PDE4D: variants seen among roughly 807,000 people sequenced by gnomAD.
The protein encoded by PDE4D is phosphodiesterase 4D, also known as 3',5'-cyclic-AMP phosphodiesterase 4D.
Under a neutral mutation model 87.4 loss-of-function variants are expected in PDE4D, and 24 were observed. That is an observed-to-expected ratio of 0.27 (90% confidence interval 0.20 to 0.39). The LOEUF (loss-of-function observed/expected upper bound fraction) is 0.39, where lower values mean the gene tolerates loss of function less well. Ranked by LOEUF, PDE4D falls within the 10% of genes least tolerant of loss-of-function variation. PDE4D has a pLI of 1.00. For missense variants in PDE4D, 714 were observed against 1,041.0 expected, an observed-to-expected ratio of 0.69 and a Z score of 4.32; for synonymous variants, 384 against 383.2, an observed-to-expected ratio of 1.00 and a Z score of -0.02.
At chr5:59,039,364 G>A in intron 5 of PDE4D, 5 of 1,029,354 alleles carry the variant, frequency 4.9e-6, no homozygotes, top group Non-Finnish European at 5.8e-6. Context: ...GCGCTTGGGT[G>A]CCCGCCCCGC....
intron 1 of PDE4D, among the ~76,000 whole-genome samples, chr5:59,360,549 G>C (rs1019569669): frequency 3.3e-5 from 5 of 152,064 alleles, no homozygotes; most frequent in Non-Finnish European, 7.3e-5. Flanking sequence ...CGGGGCTTGT[G>C]TACTCCTTAA....
At chr5:59,310,390 A>G (rs955491649) in intron 1 of PDE4D, among the ~76,000 whole-genome samples, 1 of 152,078 alleles carries the variant, frequency 6.6e-6, no homozygotes, top group Admixed American at 6.6e-5. Context: ...GTCTCCACCA[A>G]TTCTTTATTT....
intron 1 of PDE4D, among the ~76,000 whole-genome samples, chr5:59,668,682 T>C (rs935567127): frequency 1.4e-5 from 2 of 147,172 alleles, no homozygotes; most frequent in African/African-American, 5.1e-5. Flanking sequence ...CACTCCAGCC[T>C]GGACAGAGTC....
At chr5:59,843,126 G>A (rs143423127) in intron 1 of PDE4D, among the ~76,000 whole-genome samples, 299 of 152,064 alleles carry the variant, frequency 2.0e-3, no homozygotes, top group African/African-American at 6.9e-3. Flanking sequence ...TTAAGGAAAT[G>A]TGAGTCATGT....
At chr5:59,747,997 A>C (rs1478512399) in intron 1 of PDE4D, among the ~76,000 whole-genome samples, 1 of 152,112 alleles carries the variant, frequency 6.6e-6, no homozygotes, top group Non-Finnish European at 1.5e-5. Flanking sequence ...TATCCCCTCC[A>C]ACTGACTTTA....
intron 2 of PDE4D, among the ~76,000 whole-genome samples, chr5:59,200,057 G>A (rs1412682225): frequency 3.2e-4 from 48 of 148,248 alleles, no homozygotes; most frequent in African/African-American, 1.2e-3. Flanking sequence ...GTACACACAT[G>A]CATGTACACA....
chr5:59,137,792 C>T (rs1416367889), intron 5 of PDE4D, among the ~76,000 whole-genome samples: 1 of 152,210 alleles, frequency 6.6e-6, no homozygotes, highest in East Asian at 1.9e-4. Flanking sequence ...TCCCAAAGTG[C>T]TGGGATTACA....
intron 3 of PDE4D, among the ~76,000 whole-genome samples, chr5:59,957,109 A>G (rs919684327): frequency 1.3e-5 from 2 of 152,250 alleles, no homozygotes; most frequent in South Asian, 4.1e-4. Context: ...TTAAGAAACC[A>G]TCTGAATGAC....
At position 59,611,537 on chromosome 5, in the gene PDE4D, C is replaced by T. The variant is rs73758827; in HGVS notation, c.455+281631G>A. Among the ~76,000 whole-genome samples the T allele has an allele frequency of 9.8e-3, 1,494 of 152,202 alleles. 24 individuals carry two copies. The highest frequency in any genetic ancestry group is 0.032 in the African/African-American group (1,340 of 41,536). ...ATATTCATTTATCTGTCTGAATGCCCGTCTCCACACTAGGATACAAACTTC... is the reference window on the plus strand; with the variant it reads ...ATATTCATTTATCTGTCTGAATGCCTGTCTCCACACTAGGATACAAACTTC... On this transcript the variant is annotated intron_variant, in intron 1 of 14. Transcript: ENST00000340635.
intron 1 of PDE4D, among the ~76,000 whole-genome samples, chr5:60,300,937 A>C (rs2149792070): frequency 6.6e-6 from 1 of 151,998 alleles, no homozygotes; most frequent in South Asian, 2.1e-4. Context: ...CACCTGGCTA[A>C]TTTTTGTATT....
intron 1 of PDE4D, among the ~76,000 whole-genome samples, chr5:59,508,658 T>C (rs543221137): frequency 2.0e-5 from 3 of 150,730 alleles, no homozygotes; most frequent in African/African-American, 7.3e-5. Context: ...GGAACTAAAA[T>C]AAAAAAAAAT....
intron 2 of PDE4D, among the ~76,000 whole-genome samples, chr5:60,105,161 C>G (rs370180124): frequency 6.6e-5 from 10 of 152,224 alleles, no homozygotes; most frequent in East Asian, 3.9e-4. Context: ...ACAGAGAAGT[C>G]CTTAAAGGAG....
intron 3 of PDE4D, among the ~76,000 whole-genome samples, chr5:59,950,950 T>C (rs1375503620): frequency 6.6e-6 from 1 of 152,104 alleles, no homozygotes; most frequent in Non-Finnish European, 1.5e-5. Context: ...AATTGAGTGT[T>C]ACAGAAGAAG....
At chr5:59,280,825 G>T (rs148000015) in intron 1 of PDE4D, among the ~76,000 whole-genome samples, 1 of 151,780 alleles carries the variant, frequency 6.6e-6, no homozygotes, top group East Asian at 1.9e-4. Context: ...GATTTTTTTT[G>T]CCTCTTCCAA....
chr5:60,510,383 G>A (rs561339312), intron 1 of PDE4D, among the ~76,000 whole-genome samples: 2 of 152,080 alleles, frequency 1.3e-5, no homozygotes, highest in Admixed American at 6.5e-5. Context: ...CCCTACCTTA[G>A]AACACTACAA....
At chr5:60,022,738 T>C (rs1357572954) in intron 2 of PDE4D, 1 of 152,286 alleles carries the variant, frequency 6.6e-6, no homozygotes, top group African/African-American at 2.4e-5. Context: ...TTATTTCCAC[T>C]TTAGTTGACT....
At position 59,359,579 on chromosome 5, in the gene PDE4D, G is replaced by A. The variant is rs74939930; in HGVS notation, c.456-143611C>T. Reference sequence around the variant, plus strand: ...TTGAAGAACTGGCTAATATTTCACAGACATGAGAATTTAGACATTTGGAAA... The same window carrying A: ...TTGAAGAACTGGCTAATATTTCACAAACATGAGAATTTAGACATTTGGAAA... On this transcript the variant is annotated intron_variant, in intron 1 of 14. Coordinates refer to ENST00000340635, the MANE Select transcript of PDE4D (RefSeq NM_001104631.2). Among the ~76,000 whole-genome samples the A allele has an allele frequency of 5.5e-3, 837 of 152,092 alleles. 13 individuals are homozygous for A. The highest frequency in any genetic ancestry group is 0.019 in the African/African-American group (801 of 41,510).
intron 1 of PDE4D, among the ~76,000 whole-genome samples, chr5:60,368,752 TTGAAAGTG>T (rs1760767953): frequency 6.6e-6 from 1 of 152,076 alleles, no homozygotes; most frequent in Non-Finnish European, 1.5e-5. Context: ...GACTTGGTTG[TTGAAAGTG>T]TGTACCAGCT....
chr5:59,416,983 T>C (rs1472838408), intron 1 of PDE4D, among the ~76,000 whole-genome samples: 1 of 152,208 alleles, frequency 6.6e-6, no homozygotes, highest in Non-Finnish European at 1.5e-5. Flanking sequence ...GTACATACAA[T>C]ACATATATGA....
Sources: gnomAD v4.1 joint callset for allele counts (sites outside exome capture counted in the v4.1 genomes callset) on GRCh38, gnomAD v4.1.1 for gene constraint, MANE v1.5 for transcripts, NCBI Gene and HGNC (gene_info 2026-07-23, HGNC 2026-07-21) for gene names.